The following STAT4 variants were observed in gnomAD, a reference collection of about 807,000 sequenced individuals.
STAT4 encodes signal transducer and activator of transcription 4.
Under a neutral mutation model 110.5 loss-of-function variants are expected in STAT4, and 42 were observed. That is an observed-to-expected ratio of 0.38 (90% CI 0.30 to 0.49). The LOEUF (loss-of-function observed/expected upper bound fraction) is 0.49. STAT4 is among the 20% of genes least tolerant of loss of function. The pLI, the probability that STAT4 is intolerant of heterozygous loss-of-function variation, is 0.95. For synonymous variants in STAT4, 284 were observed against 302.2 expected (o/e 0.94, Z 0.63); for missense variants, 632 against 887.9 (o/e 0.71, Z 3.66).
At position 191,060,562 on chromosome 2, in the gene STAT4, G is replaced by T. The variant is rs1425703727; in HGVS notation, c.1034+1167C>A. ...GCCTCTTAAGTAGCTGGGATTACAG[G>T]CATGAGCCAACATGCTCAGCTAATT... On this transcript the variant is annotated intron_variant, in intron 10 of 23. Transcript: ENST00000392320. This position sits in a 1 kb window ranked among gnomAD's most constrained non-coding sequence, Gnocchi z 4.5. 6.6e-6 allele frequency among the ~76,000 whole-genome samples: 1 copy of T among 152,148 alleles called. No homozygotes were observed. Among genetic ancestry groups the T allele is most frequent in the Non-Finnish European group, 1.5e-5 (1 of 68,028 alleles).
At chr2:191,132,702 T>C (rs926044564) in intron 3 of STAT4, among the ~76,000 whole-genome samples, 1 of 151,480 alleles carries the variant, frequency 6.6e-6, no homozygotes, top group Non-Finnish European at 1.5e-5. Context: ...AACAGACAAC[T>C]GCCTAGAAGT....
At chr2:191,094,760 T>C (rs917847147) in intron 3 of STAT4, among the ~76,000 whole-genome samples, 2 of 151,910 alleles carry the variant, frequency 1.3e-5, no homozygotes, top group Admixed American at 6.5e-5. Context: ...TAAATGTAAA[T>C]GGACTGAATG....
At chr2:191,151,456 T>G, upstream of STAT4, 9 of 985,592 alleles carry the variant, frequency 9.1e-6, no homozygotes, top group Non-Finnish European at 1.1e-5. The surrounding 1 kb of genome is among the most constrained non-coding windows in gnomAD (Gnocchi z 4.7). Flanking sequence ...TAGACCTTAC[T>G]GGGCTCCAAT....
In STAT4 at chr2:191,030,898, C is replaced by T; in HGVS notation, c.2220+74G>A. The T allele has an allele frequency of 1.5e-6, 2 of 1,362,880 alleles. No individual in the cohort carries two copies. The highest frequency in any genetic ancestry group is 2.1e-6 in the Non-Finnish European group (2 of 956,046). The allele number at this position is 1,362,880 out of a possible 1,614,324, so 84.4% of individuals were successfully genotyped here. A position where few individuals can be genotyped will look rare whatever the true frequency, so the allele number is the denominator to read the frequency against. ...CTCCCTACCCAGGCAGTATTTCAGC[C>T]CCTTTGATTCACACACCACCTTTGC... is the stretch of plus-strand genomic sequence containing the variant. On this transcript the variant is annotated intron_variant, in intron 23 of 23. Coordinates refer to ENST00000392320, the MANE Select transcript of STAT4 (RefSeq NM_003151.4). This position sits in a 1 kb window ranked among gnomAD's most constrained non-coding sequence, Gnocchi z 4.4.
rs1695828402 is a variant in STAT4, at chr2:191,029,616, T to C, written c.*224A>G. On this transcript the variant is annotated 3_prime_UTR_variant, in exon 24 of 24. Transcript: ENST00000392320. The surrounding 1 kb of genome is among the most constrained non-coding windows in gnomAD (Gnocchi z 4.5). Reference sequence around the variant, plus strand: ...GTTATTAACACTGGTTTCTTAAAGTTGTCTTATCTTGCAAGTTTATCTGAA... The same window carrying C: ...GTTATTAACACTGGTTTCTTAAAGTCGTCTTATCTTGCAAGTTTATCTGAA... 1.9e-6 allele frequency: 1 copy of C among 528,046 alleles called. No homozygotes were observed. The highest frequency in any genetic ancestry group is 2.0e-5 in the African/African-American group (1 of 49,688). 32.7% of individuals were successfully genotyped at this position (528,046 alleles called of 1,614,324 possible).
intron 3 of STAT4, among the ~76,000 whole-genome samples, chr2:191,134,661 C>A (rs1262704099): frequency 6.6e-6 from 1 of 152,092 alleles, no homozygotes; most frequent in Non-Finnish European, 1.5e-5. Flanking sequence ...AGTATACTAC[C>A]CAATCAAGAT....
intron 3 of STAT4, among the ~76,000 whole-genome samples, chr2:191,081,122 G>C (rs912616937): frequency 5.3e-5 from 8 of 152,134 alleles, no homozygotes. Context: ...TTAGTTTGCT[G>C]AGAACGATGG....
intron 3 of STAT4, among the ~76,000 whole-genome samples, chr2:191,132,751 T>C (rs1699069565): frequency 7.1e-6 from 1 of 141,508 alleles, no homozygotes; most frequent in South Asian, 2.2e-4. Context: ...CTCTTAATGG[T>C]TTTCTTTTTT....
Position 191,117,105 on chromosome 2 carries a change from A to C in STAT4, c.273+29508T>G, listed in dbSNP as rs1036392910. ...GGGGCTGCGCATGGCTAATTTTCAA[A>C]TGCGTCATTAGGGATTCTAATAAAG... On this transcript the variant is annotated intron_variant, in intron 3 of 23. Transcript: ENST00000392320. The surrounding 1 kb of genome is among the most constrained non-coding windows in gnomAD (Gnocchi z 5.2). 1.3e-5 allele frequency among the ~76,000 whole-genome samples: 2 copies of C among 152,190 alleles called. No homozygotes were observed. The highest frequency in any genetic ancestry group is 2.9e-5 in the Non-Finnish European group (2 of 68,020).
Position 191,032,704 on chromosome 2 carries a change from TGA to T in STAT4, c.2044+252_2044+253del, listed in dbSNP as rs1553502653. Among the ~76,000 whole-genome samples the T allele has an allele frequency of 6.6e-6, 1 of 152,160 alleles. No homozygotes were observed. The highest frequency in any genetic ancestry group is 1.5e-5 in the Non-Finnish European group (1 of 68,028). On this transcript the variant is annotated intron_variant, in intron 21 of 23. Coordinates refer to ENST00000392320, the MANE Select transcript of STAT4 (RefSeq NM_003151.4). The surrounding 1 kb of genome is among the most constrained non-coding windows in gnomAD (Gnocchi z 4.9). ...AAAACTGAAGCTCTCCAAGTGGCTATGAGAGGCCCCCATGGCCATGGTGAAGT... is the reference window on the plus strand; with the variant it reads ...AAAACTGAAGCTCTCCAAGTGGCTATGAGGCCCCCATGGCCATGGTGAAGT...
At chr2:191,123,003 A>G (rs1478616536) in intron 3 of STAT4, among the ~76,000 whole-genome samples, 1 of 152,254 alleles carries the variant, frequency 6.6e-6, no homozygotes, top group African/African-American at 2.4e-5. Context: ...ATCTTTAAAA[A>G]GTGATGCACA....
intron 17 of STAT4, 132 bp from the exon 18 acceptor site, chr2:191,034,729 A>C: frequency 1.4e-6 from 1 of 689,818 alleles, no homozygotes; most frequent in Non-Finnish European, 2.7e-6. Flanking sequence ...CAATGTACTG[A>C]GTGCTAGGTA....
chr2:191,071,982 T>C (rs1697172509), intron 5 of STAT4, among the ~76,000 whole-genome samples: 1 of 152,058 alleles, frequency 6.6e-6, no homozygotes, highest in Non-Finnish European at 1.5e-5. Flanking sequence ...CGGGCCTCTC[T>C]CCCCACAACC....
Position 191,054,347 on chromosome 2 carries a change from CT to C in STAT4, c.1251+142del, listed in dbSNP as rs571241487. The stretch of plus-strand genomic sequence containing the variant: ...TTTTTGAAAAACTTCCTCATATTGT[CT>C]GCAATTATCAAGCTTTACATCTATA... On this transcript the variant is annotated intron_variant, in intron 14 of 23. Coordinates refer to ENST00000392320, the MANE Select transcript of STAT4 (RefSeq NM_003151.4). The C allele has an allele frequency of 1.8e-3, 1,158 of 655,592 alleles. 12 individuals are homozygous for C. The highest frequency in any genetic ancestry group is 8.7e-3 in the South Asian group (384 of 43,906). 40.6% of individuals were successfully genotyped at this position (655,592 alleles called of 1,614,324 possible).
In STAT4 at chr2:191,146,110, T is replaced by G. The variant is rs995724687; in HGVS notation, c.273+503A>C. ...TAAATGCCACAGTATCGATGTGTTC[T>G]GGTGCTGAGGAAACACACAGAGATG... On this transcript the variant is annotated intron_variant, in intron 3 of 23. Transcript: ENST00000392320. The surrounding 1 kb of genome is among the most constrained non-coding windows in gnomAD (Gnocchi z 4.5). 3.9e-5 allele frequency among the ~76,000 whole-genome samples: 6 copies of G among 152,228 alleles called. No homozygotes were observed. The highest frequency in any genetic ancestry group is 1.4e-4 in the African/African-American group (6 of 41,452).
Position 191,058,146 on chromosome 2 carries a change from A to G in STAT4, c.1113-35T>C. The G allele has an allele frequency of 1.2e-6, 2 of 1,613,254 alleles. No individual in the cohort carries two copies. Among genetic ancestry groups the G allele is most frequent in the South Asian group, 1.1e-5 (1 of 91,054 alleles). Reference sequence around the variant, plus strand: ...AAATCTTAGCTATTTACATGGTCTCAGGTAAAATAAATTTACAAGAGCAGC... The same window carrying G: ...AAATCTTAGCTATTTACATGGTCTCGGGTAAAATAAATTTACAAGAGCAGC... On this transcript the variant is annotated intron_variant, in intron 12 of 23. Transcript: ENST00000392320. This position sits in a 1 kb window ranked among gnomAD's most constrained non-coding sequence, Gnocchi z 4.3.
rs1248336909 is a variant in STAT4, at chr2:191,066,522, AG to A, written c.545-8del. 8 of 1,612,190 alleles carry A rather than the reference AG, an allele frequency of 5.0e-6. No individual in the cohort carries two copies. The highest frequency in any genetic ancestry group is 6.8e-6 in the Non-Finnish European group (8 of 1,178,934). On this transcript the variant is annotated splice_polypyrimidine_tract_variant and splice_region_variant and intron_variant, in intron 6 of 23. Transcript: ENST00000392320. The surrounding 1 kb of genome is among the most constrained non-coding windows in gnomAD (Gnocchi z 4.3). ...CTATTCTTGTCACTCTGATCTGCAA[AG>A]GTAAAGAGATCAGATTTAGAGTTCT...
rs1272067868 is a variant in STAT4, at chr2:191,062,626, C to T, written c.941+136G>A. 1.1e-6 allele frequency: 1 copy of T among 874,588 alleles called. No individual in the cohort carries two copies. Among genetic ancestry groups the T allele is most frequent in the Non-Finnish European group, 1.7e-6 (1 of 578,306 alleles). 54.2% of individuals were successfully genotyped at this position (874,588 alleles called of 1,614,324 possible). A position where few individuals can be genotyped will look rare whatever the true frequency, so the allele number is the denominator to read the frequency against. ...GTAGAAATGTGGTTTCTAAAACTTT[C>T]TGGGGTTCTATTCACTTCTCCCTGA... is the stretch of plus-strand genomic sequence containing the variant. On this transcript the variant is annotated intron_variant, in intron 9 of 23. Coordinates refer to ENST00000392320, the MANE Select transcript of STAT4 (RefSeq NM_003151.4). The surrounding 1 kb of genome is among the most constrained non-coding windows in gnomAD (Gnocchi z 4.9).
Position 191,099,406 on chromosome 2 carries a change from A to G in STAT4, c.274-23081T>C, listed in dbSNP as rs1698097017. 6.6e-6 allele frequency among the ~76,000 whole-genome samples: 1 copy of G among 152,148 alleles called. No individual in the cohort carries two copies. Among genetic ancestry groups the G allele is most frequent in the Admixed American group, 6.6e-5 (1 of 15,266 alleles). On this transcript the variant is annotated intron_variant, in intron 3 of 23. Coordinates refer to ENST00000392320, the MANE Select transcript of STAT4 (RefSeq NM_003151.4). This position sits in a 1 kb window ranked among gnomAD's most constrained non-coding sequence, Gnocchi z 4.1. Reference sequence around the variant, plus strand: ...ACTGGCCCATAATAATATATGTACAAGATCGTTTGTTTCAATCCTGTTTAT... The same window carrying G: ...ACTGGCCCATAATAATATATGTACAGGATCGTTTGTTTCAATCCTGTTTAT...
Sources: allele counts gnomAD v4.1 joint callset (sites outside exome capture counted in the v4.1 genomes callset), GRCh38; gene constraint gnomAD v4.1.1; non-coding constraint Gnocchi (gnomAD v3.1); transcripts MANE v1.5; gene names NCBI Gene and HGNC (gene_info 2026-07-23, HGNC 2026-07-21).